NR3C1: variants seen among roughly 807,000 people sequenced by gnomAD.
The protein encoded by NR3C1 is glucocorticoid receptor.
In NR3C1, 14 loss-of-function variants were observed where a neutral mutation model predicts 74.0. That is an observed-to-expected ratio of 0.19 (90% CI 0.12 to 0.30). NR3C1 has a LOEUF of 0.30. NR3C1 is among the 10% of genes least tolerant of loss of function. The probability of loss-of-function intolerance (pLI) is 1.00; values close to 1 mark genes in which losing one functional copy is unlikely to be tolerated. For synonymous variants in NR3C1, 308 were observed against 332.5 expected (o/e 0.93, Z 0.80); for missense variants, 695 against 909.8 (o/e 0.76, Z 3.04).
At chr5:143,370,028 A>C (rs915492025) in intron 2 of NR3C1, among the ~76,000 whole-genome samples, 5 of 152,206 alleles carry the variant, frequency 3.3e-5, no homozygotes, top group Admixed American at 2.6e-4. Context: ...AACCCAGCTA[A>C]GAATTCATAG....
At chr5:143,287,824 A>G (rs1386395196) in intron 7 of NR3C1, among the ~76,000 whole-genome samples, 1 of 152,210 alleles carries the variant, frequency 6.6e-6, no homozygotes, top group African/African-American at 2.4e-5. Context: ...TCAGAAAACT[A>G]GATCTTAAAC....
upstream of NR3C1, chr5:143,407,015 A>G (rs1211393852): frequency 3.3e-5 from 5 of 152,224 alleles, no homozygotes; most frequent in Non-Finnish European, 7.3e-5. Flanking sequence ...GGCATTTACT[A>G]ATCTGTAACC....
At chr5:143,434,126 C>A (rs553860433) in intron 1 of NR3C1, among the ~76,000 whole-genome samples, 1 of 152,188 alleles carries the variant, frequency 6.6e-6, no homozygotes, top group African/African-American at 2.4e-5. Context: ...GAAGCCCCTC[C>A]GCCACTATCA....
intron 2 of NR3C1, among the ~76,000 whole-genome samples, chr5:143,326,492 T>C (rs1824631259): frequency 6.6e-6 from 1 of 152,224 alleles, no homozygotes; most frequent in Non-Finnish European, 1.5e-5. Context: ...GATAATGTCA[T>C]GCTGGTCATT....
At chr5:143,338,733 T>C (rs939065806) in intron 2 of NR3C1, among the ~76,000 whole-genome samples, 1 of 152,180 alleles carries the variant, frequency 6.6e-6, no homozygotes, top group Non-Finnish European at 1.5e-5. Context: ...TAGGCTAAGG[T>C]TAATTTATTA....
At chr5:143,338,403 GA>G (rs1165806827) in intron 2 of NR3C1, among the ~76,000 whole-genome samples, 1 of 150,784 alleles carries the variant, frequency 6.6e-6, no homozygotes, top group Non-Finnish European at 1.5e-5. Context: ...AGGTATATCA[GA>G]AAAAGGCACT....
chr5:143,403,522 A>C lies in NR3C1; in HGVS notation c.-325T>G, dbSNP rs10482609. The C allele has an allele frequency of 8.5e-3, 8,333 of 985,064 alleles. 74 individuals are homozygous for C. The highest frequency in any genetic ancestry group is 0.037 in the South Asian group (786 of 21,286). The allele number at this position is 985,064 out of a possible 1,614,324, so 61.0% of individuals were successfully genotyped here. ...CCGGCTGCGGCGTCTCCTTCCACCC[A>C]CAGAATCCGTCCCCGACGGGCAGGC... On this transcript the variant is annotated 5_prime_UTR_variant, in exon 1 of 9. Coordinates refer to ENST00000394464, the MANE Select transcript of NR3C1 (RefSeq NM_000176.3).
chr5:143,294,359 G>A, intron 7 of NR3C1: 3 of 897,660 alleles, frequency 3.3e-6, no homozygotes, highest in Non-Finnish European at 4.0e-6. Context: ...TACTTGAAAT[G>A]GCCTAAGGTT....
chr5:143,371,709 G>A (rs1834263533), intron 2 of NR3C1, among the ~76,000 whole-genome samples: 1 of 152,244 alleles, frequency 6.6e-6, no homozygotes, highest in Non-Finnish European at 1.5e-5. Flanking sequence ...AGCAGTGGTA[G>A]ATGATACCTT....
chr5:143,335,179 T>C (rs932953254), intron 2 of NR3C1, among the ~76,000 whole-genome samples: 1 of 152,202 alleles, frequency 6.6e-6, no homozygotes, highest in African/African-American at 2.4e-5. Flanking sequence ...CACAGTACAG[T>C]GGTACATGCC....
chr5:143,355,420 G>T lies in NR3C1; in HGVS notation c.1185-41252C>A, dbSNP rs528525003. Among the ~76,000 whole-genome samples the T allele has an allele frequency of 3.3e-5, 5 of 152,204 alleles. No individual in the cohort carries two copies. In the South Asian group the frequency reaches 1.0e-3, roughly 32 times the overall value. On this transcript the variant is annotated intron_variant, in intron 2 of 8. Transcript: ENST00000394464. ...GAGCCCAGGAGTTCAAGAATACAGT[G>T]AGCTAGGATCATGCCACTGTGCTCC...
intron 2 of NR3C1, among the ~76,000 whole-genome samples, chr5:143,388,989 A>G (rs1165688862): frequency 6.6e-6 from 1 of 152,072 alleles, no homozygotes; most frequent in Non-Finnish European, 1.5e-5. Context: ...AATTCTTTCC[A>G]TCTTTTCTTT....
In NR3C1 at chr5:143,314,042, A is replaced by T. The variant is rs1170656970; in HGVS notation, c.1311T>A (p.Thr437=). The change falls in exon 3 of 9, where the codon ACT becomes ACA. Residue 437 remains threonine, a synonymous_variant. Coordinates refer to ENST00000394464, the MANE Select transcript of NR3C1 (RefSeq NM_000176.3). ...TGAAGAAAACTTTACAGCTTCCACAAGTTAAGACTCCATAATGACATCCTG... is the reference window on the plus strand; with the variant it reads ...TGAAGAAAACTTTACAGCTTCCACATGTTAAGACTCCATAATGACATCCTG... ...EASGCHYGVL[T]CGSCKVFFKR... 1 of 1,613,666 alleles carries T rather than the reference A, an allele frequency of 6.2e-7. No homozygotes were observed. The highest frequency in any genetic ancestry group is 8.5e-7 in the Non-Finnish European group (1 of 1,179,710).
chr5:143,404,438 G>A (rs1192940459), upstream of NR3C1: 5 of 985,464 alleles, frequency 5.1e-6, no homozygotes, highest in East Asian at 4.6e-4. Context: ...TGGGCGGCCG[G>A]GTCTTCAGCT....
intron 2 of NR3C1, among the ~76,000 whole-genome samples, chr5:143,359,085 A>G (rs1238904692): frequency 6.6e-6 from 1 of 152,182 alleles, no homozygotes. Flanking sequence ...GAAGTTATAA[A>G]CAATAGTTAT....
At chr5:143,293,054 C>T (rs1035429656) in intron 7 of NR3C1, among the ~76,000 whole-genome samples, 1 of 152,202 alleles carries the variant, frequency 6.6e-6, no homozygotes, top group Non-Finnish European at 1.5e-5. Flanking sequence ...CTTTTAGATC[C>T]ATCCACTGCC....
intron 2 of NR3C1, among the ~76,000 whole-genome samples, chr5:143,396,696 T>C (rs939425473): frequency 3.5e-5 from 4 of 115,380 alleles, no homozygotes; most frequent in Non-Finnish European, 8.5e-5. Flanking sequence ...CATCACTTAA[T>C]TTTAGACTCT....
intron 8 of NR3C1, among the ~76,000 whole-genome samples, 180 bp from the exon 9 acceptor site, chr5:143,282,221 T>C (rs72481859): frequency 6.6e-6 from 1 of 152,214 alleles, no homozygotes; most frequent in African/African-American, 2.4e-5. Context: ...TTTGATTGTA[T>C]GTAGAATTAT....
At chr5:143,309,668 A>G (rs1005172244) in intron 4 of NR3C1, among the ~76,000 whole-genome samples, 1 of 152,090 alleles carries the variant, frequency 6.6e-6, no homozygotes, top group African/African-American at 2.4e-5. Context: ...AAGATCTGTA[A>G]TAAAACACAG....
Sources: gnomAD v4.1 joint callset for allele counts (sites outside exome capture counted in the v4.1 genomes callset) on GRCh38, gnomAD v4.1.1 for gene constraint, MANE v1.5 for transcripts, NCBI Gene and HGNC (gene_info 2026-07-23, HGNC 2026-07-21) for gene names.